PLEKHG1: variants seen among roughly 807,000 people sequenced by gnomAD.
PLEKHG1 encodes pleckstrin homology and RhoGEF domain containing G1.
A neutral mutation model predicts 100.8 loss-of-function variants in PLEKHG1; 44 were observed. The observed-to-expected ratio is 0.44, with a 90% CI of 0.34 to 0.56. PLEKHG1 has a LOEUF of 0.56. PLEKHG1 is among the 20% of genes least tolerant of loss of function. The pLI is 0.01. For synonymous variants in PLEKHG1, 640 were observed against 662.5 expected (o/e 0.97, Z 0.52); for missense variants, 1,545 against 1,720.9 (o/e 0.90, Z 1.81).
At chr6:150,770,108 G>T (rs947308142) in intron 3 of PLEKHG1, among the ~76,000 whole-genome samples, 1 of 152,180 alleles carries the variant, frequency 6.6e-6, no homozygotes, top group Non-Finnish European at 1.5e-5. Context: ...CCGGCACAGA[G>T]GAAGTACCAA....
At position 150,831,169 on chromosome 6, in the gene PLEKHG1, A is replaced by T. The variant is rs559381213; in HGVS notation, c.2058A>T (p.Ser686=). The change falls in exon 15 of 16, where the codon TCA becomes TCT. Residue 686 remains serine (S), a synonymous_variant. Transcript: ENST00000358517. This position sits in a 1 kb window ranked among gnomAD's most constrained non-coding sequence, Gnocchi z 4.1. ...AAGCTGAATCCACTCCCTCTAAATC[A>T]GCCAGGGACTCCGTTCGCCCCAAGA... The T allele has an allele frequency of 6.2e-7, 1 of 1,614,120 alleles. No homozygotes were observed.
At chr6:150,711,041 G>A (rs1237458749) in intron 3 of PLEKHG1, among the ~76,000 whole-genome samples, 1 of 152,188 alleles carries the variant, frequency 6.6e-6, no homozygotes, top group Non-Finnish European at 1.5e-5. Flanking sequence ...TGATGTACCT[G>A]AAAGTCTGAC....
intron 9 of PLEKHG1, 32 bp downstream of exon 10, chr6:150,809,508 C>A: frequency 6.4e-7 from 1 of 1,570,324 alleles, no homozygotes; most frequent in Non-Finnish European, 8.8e-7. Flanking sequence ...CTCCGCAAGG[C>A]CCCTTTGTGT....
chr6:150,688,156 T>TA (rs61464780), intron 3 of PLEKHG1, among the ~76,000 whole-genome samples: 44,824 of 151,956 alleles, frequency 0.29, 8,184 homozygotes, highest in African/African-American at 0.52. Context: ...TCACAGTATT[T>TA]AAAAAATTAA....
At chr6:150,622,517 T>C (rs1399459231) in intron 1 of PLEKHG1, among the ~76,000 whole-genome samples, 1 of 152,110 alleles carries the variant, frequency 6.6e-6, no homozygotes, top group Non-Finnish European at 1.5e-5. Flanking sequence ...ACCCTACCAC[T>C]GTTCTGAGTT....
chr6:150,833,889 C>T (rs1044475279), intron 15 of PLEKHG1, among the ~76,000 whole-genome samples: 2 of 152,138 alleles, frequency 1.3e-5, no homozygotes, highest in East Asian at 3.9e-4. Flanking sequence ...CAGGTTGATG[C>T]CACTAACTAT....
intron 2 of PLEKHG1, among the ~76,000 whole-genome samples, chr6:150,767,008 C>G (rs138531996): frequency 8.3e-4 from 127 of 152,182 alleles, no homozygotes; most frequent in African/African-American, 3.0e-3. Context: ...GTACAATATG[C>G]CCTCCAAAAT....
rs531390941 is a variant in PLEKHG1, at chr6:150,620,726, A to G, written c.-203-17354A>G. ...TCTCTATACCCGTTTTGTGCCAGGC[A>G]TCAATCAGTTGCACCATGCATTTGG... On this transcript the variant is annotated intron_variant, in intron 1 of 3. Transcript: ENST00000367326. Among the ~76,000 whole-genome samples, 6 of 152,310 alleles carry G rather than the reference A, an allele frequency of 3.9e-5. No individual in the cohort carries two copies. In the South Asian group the frequency reaches 6.2e-4, roughly 16 times the overall value.
At chr6:150,823,176 C>T (rs1776399818) in intron 13 of PLEKHG1, among the ~76,000 whole-genome samples, 1 of 152,044 alleles carries the variant, frequency 6.6e-6, no homozygotes, top group African/African-American at 2.4e-5. Context: ...CTAAGGGTGT[C>T]TTCTCTAAGG....
At chr6:150,792,401 CG>C (rs1562522716) in intron 4 of PLEKHG1, among the ~76,000 whole-genome samples, 1 of 150,436 alleles carries the variant, frequency 6.6e-6, no homozygotes, top group African/African-American at 2.4e-5. Flanking sequence ...TGGCTGGGCG[CG>C]GTGGCTCACA....
intron 3 of PLEKHG1, among the ~76,000 whole-genome samples, chr6:150,682,897 G>A (rs78287123): frequency 0.01 from 1,563 of 152,302 alleles, 26 homozygotes; most frequent in South Asian, 0.07. Context: ...ACCCACATGA[G>A]AGAACAGCAG....
At chr6:150,774,598 A>G (rs1417915555) in intron 3 of PLEKHG1, among the ~76,000 whole-genome samples, 2 of 130,968 alleles carry the variant, frequency 1.5e-5, no homozygotes, top group African/African-American at 5.8e-5. Flanking sequence ...CTGGAGGGCA[A>G]TGGCACGATC....
exon 16 of PLEKHG1, chr6:150,839,866 A>T: frequency 6.2e-7 from 1 of 1,613,428 alleles, no homozygotes; most frequent in African/African-American, 1.3e-5. Context: ...CAGTTGTATG[A>T]CCAGATTGTA....
intron 3 of PLEKHG1, among the ~76,000 whole-genome samples, chr6:150,714,235 C>A (rs1257376689): frequency 1.3e-5 from 2 of 152,290 alleles, no homozygotes; most frequent in South Asian, 4.1e-4. Flanking sequence ...AAGCAAGAGG[C>A]TTTTTGCAAC....
chr6:150,639,744 A>G (rs1388915389), intron 2 of PLEKHG1, among the ~76,000 whole-genome samples: 4 of 152,134 alleles, frequency 2.6e-5, no homozygotes, highest in African/African-American at 9.7e-5. Flanking sequence ...TGTAGCTGTC[A>G]GGGTGCAAGT....
At chr6:150,833,089 C>T (rs1777043188) in intron 15 of PLEKHG1, among the ~76,000 whole-genome samples, 1 of 149,054 alleles carries the variant, frequency 6.7e-6, no homozygotes, top group Admixed American at 6.7e-5. Flanking sequence ...GTCACCCAGG[C>T]AGGAGTGCAG....
chr6:150,709,451 C>T (rs1781162541), intron 3 of PLEKHG1, among the ~76,000 whole-genome samples: 1 of 152,194 alleles, frequency 6.6e-6, no homozygotes, highest in Admixed American at 6.5e-5. Flanking sequence ...CCATGTTTTA[C>T]AATTCTAAAG....
chr6:150,664,797 C>T (rs1370813521), intron 3 of PLEKHG1, among the ~76,000 whole-genome samples: 5 of 152,144 alleles, frequency 3.3e-5, no homozygotes, highest in South Asian at 2.1e-4. Context: ...CTTTGGGATA[C>T]GTGCAAGAAT....
chr6:150,783,713 T>C (rs1785454655), intron 3 of PLEKHG1, among the ~76,000 whole-genome samples: 1 of 152,210 alleles, frequency 6.6e-6, no homozygotes, highest in African/African-American at 2.4e-5. Flanking sequence ...ATCTCTTACA[T>C]GCTTAAAAAT....
Sources: allele counts gnomAD v4.1 joint callset (sites outside exome capture counted in the v4.1 genomes callset), GRCh38; gene constraint gnomAD v4.1.1; non-coding constraint Gnocchi (gnomAD v3.1); transcripts MANE v1.5; gene names NCBI Gene and HGNC (gene_info 2026-07-23, HGNC 2026-07-21).